The following CADM2 variants were observed in gnomAD, a reference collection of about 807,000 sequenced individuals.
CADM2 encodes the protein cell adhesion molecule 2.
A neutral mutation model predicts 49.8 loss-of-function variants in CADM2; 12 were observed. The ratio of observed to expected loss-of-function variants is 0.24; its 90% CI spans 0.15 to 0.39. The LOEUF is 0.39. CADM2 is among the 10% of genes least tolerant of loss of function. CADM2 has a pLI of 1.00. For missense variants in CADM2, 378 were observed against 492.3 expected (o/e 0.77, Z 2.20); for synonymous variants, 214 against 175.4 (o/e 1.22, Z -1.74).
intron 1 of CADM2, among the ~76,000 whole-genome samples, chr3:85,586,207 C>A (rs80097134): frequency 6.6e-6 from 1 of 151,986 alleles, no homozygotes; most frequent in African/African-American, 2.4e-5. Context: ...GTCTTGCATC[C>A]CCCTAGCTCA....
At chr3:85,954,976 T>C in intron 7 of CADM2, among the ~76,000 whole-genome samples, 1 of 151,282 alleles carries the variant, frequency 6.6e-6, no homozygotes, top group East Asian at 1.9e-4. Flanking sequence ...GTTTTAAAAC[T>C]TTAATAATAT....
At position 85,891,177 on chromosome 3, in the gene CADM2, ATCT is replaced by A. The variant is rs537145037; in HGVS notation, c.529+4854_529+4856del. 3.0e-3 allele frequency among the ~76,000 whole-genome samples: 459 copies of A among 152,286 alleles called. 2 individuals are homozygous for A. The highest frequency in any genetic ancestry group is 4.8e-3 in the Non-Finnish European group (329 of 68,018). On this transcript the variant is annotated intron_variant, in intron 5 of 9. Coordinates refer to ENST00000383699, the MANE Select transcript of CADM2 (RefSeq NM_001167675.2). ...ACAGGTAGTTTCACTGCAGCCTTTA[ATCT>A]TCTGCATAGCAAGAAAGTGAATATC...
chr3:85,747,571 T>C (rs1166392712), intron 2 of CADM2, among the ~76,000 whole-genome samples: 1 of 152,102 alleles, frequency 6.6e-6, no homozygotes, highest in African/African-American at 2.4e-5. Flanking sequence ...CCATCTTGGC[T>C]GAGCTGCTTC....
At chr3:85,925,910 G>C (rs967347717) in intron 6 of CADM2, among the ~76,000 whole-genome samples, 2 of 152,044 alleles carry the variant, frequency 1.3e-5, no homozygotes, top group African/African-American at 4.8e-5. Flanking sequence ...GGCCAAGGAG[G>C]GCAGATCATG....
At chr3:85,035,000 A>G (rs2035153669) in intron 1 of CADM2, among the ~76,000 whole-genome samples, 1 of 151,720 alleles carries the variant, frequency 6.6e-6, no homozygotes, top group Non-Finnish European at 1.5e-5. Flanking sequence ...ACGGAGTTTC[A>G]TCATGTTGGC....
At chr3:85,091,527 TA>T (rs1246704473) in intron 1 of CADM2, among the ~76,000 whole-genome samples, 5 of 152,102 alleles carry the variant, frequency 3.3e-5, no homozygotes, top group African/African-American at 1.2e-4. Context: ...ATACTGAAAA[TA>T]AAATAATATT....
chr3:85,184,406 C>G (rs1257999029), intron 1 of CADM2, among the ~76,000 whole-genome samples: 1 of 152,046 alleles, frequency 6.6e-6, no homozygotes, highest in Non-Finnish European at 1.5e-5. Context: ...TGACCTAATA[C>G]TTATTGCATT....
intron 1 of CADM2, among the ~76,000 whole-genome samples, chr3:85,222,542 C>G (rs1346290892): frequency 6.6e-6 from 1 of 152,136 alleles, no homozygotes; most frequent in Non-Finnish European, 1.5e-5. Flanking sequence ...TTGGCTTTCA[C>G]CTCTTTCGCT....
intron 1 of CADM2, among the ~76,000 whole-genome samples, chr3:85,593,468 A>C (rs141903394): frequency 1.3e-5 from 2 of 152,016 alleles, no homozygotes; most frequent in Non-Finnish European, 2.9e-5. Flanking sequence ...TGCAAAATGT[A>C]TATCTGTGTT....
intron 5 of CADM2, among the ~76,000 whole-genome samples, chr3:85,909,804 C>A (rs62261746): frequency 6.6e-6 from 1 of 151,984 alleles, no homozygotes. Context: ...TCTGTTGGCT[C>A]TATAACTGTG....
At chr3:85,628,433 T>C (rs1004412616) in intron 1 of CADM2, among the ~76,000 whole-genome samples, 3 of 151,294 alleles carry the variant, frequency 2.0e-5, no homozygotes, top group Non-Finnish European at 3.0e-5. Flanking sequence ...CTGCTCCAGG[T>C]TTTATTTACA....
intron 1 of CADM2, among the ~76,000 whole-genome samples, chr3:85,470,287 A>G (rs1274623190): frequency 6.6e-6 from 1 of 152,194 alleles, no homozygotes; most frequent in Non-Finnish European, 1.5e-5. Context: ...AATTCATATA[A>G]GGAGTTAGCA....
intron 2 of CADM2, 94 bp downstream of exon 2, chr3:85,726,642 G>A: frequency 1.1e-6 from 1 of 912,202 alleles, no homozygotes; most frequent in Non-Finnish European, 1.8e-6. Context: ...TTCGGTTGGT[G>A]ATAATACTAT....
At chr3:85,801,193 A>T (rs569262307) in intron 2 of CADM2, among the ~76,000 whole-genome samples, 1 of 152,284 alleles carries the variant, frequency 6.6e-6, no homozygotes, top group South Asian at 2.1e-4. Context: ...AATTTTGATT[A>T]AACTATTAGA....
intron 1 of CADM2, among the ~76,000 whole-genome samples, chr3:85,071,464 A>G (rs760873982): frequency 3.9e-5 from 6 of 152,280 alleles, no homozygotes; most frequent in Admixed American, 2.0e-4. Flanking sequence ...CCTTAGTATT[A>G]ACTTACAAGT....
At chr3:85,018,182 T>G (rs566771229) in intron 1 of CADM2, among the ~76,000 whole-genome samples, 1 of 152,316 alleles carries the variant, frequency 6.6e-6, no homozygotes, top group South Asian at 2.1e-4. Context: ...GAAATATAGC[T>G]TAATGGAAGA....
intron 3 of CADM2, among the ~76,000 whole-genome samples, chr3:85,859,224 C>CT (rs397990427): frequency 0.1 from 7,161 of 70,494 alleles, 2,324 homozygotes; most frequent in African/African-American, 0.37. Flanking sequence ...TTTTTTTTGT[C>CT]TTTTTTTTTT....
intron 1 of CADM2, among the ~76,000 whole-genome samples, chr3:85,658,576 GTATA>G (rs397990421): frequency 0.078 from 5,357 of 68,600 alleles, 158 homozygotes; most frequent in East Asian, 0.12. Context: ...GGATATATGT[GTATA>G]TATATATATA....
intron 1 of CADM2, among the ~76,000 whole-genome samples, chr3:85,081,087 T>G (rs2037145710): frequency 6.6e-6 from 1 of 152,152 alleles, no homozygotes; most frequent in South Asian, 2.1e-4. Flanking sequence ...ATTCATTTAT[T>G]TTTTGCTTTC....
Sources: allele counts gnomAD v4.1 joint callset (sites outside exome capture counted in the v4.1 genomes callset), GRCh38; gene constraint gnomAD v4.1.1; transcripts MANE v1.5; gene names NCBI Gene and HGNC (gene_info 2026-07-23, HGNC 2026-07-21).